CPT1A: variants seen among roughly 807,000 people sequenced by gnomAD.
CPT1A encodes carnitine O-palmitoyltransferase 1, liver isoform.
CPT1A carries 64 observed loss-of-function variants against 100.8 expected under a neutral mutation model. The observed-to-expected ratio is 0.63, with a 90% confidence interval of 0.52 to 0.78. CPT1A has a LOEUF of 0.78. CPT1A is among the 30% of genes least tolerant of loss of function. The probability of loss-of-function intolerance (pLI) is 0.00; values close to 1 mark genes in which losing one functional copy is unlikely to be tolerated. For synonymous variants in CPT1A, 363 were observed against 396.0 expected (o/e 0.92, Z 0.99); for missense variants, 802 against 1,034.1 (o/e 0.78, Z 3.08).
chr11:68,815,230 T>C (rs1457272976), intron 2 of CPT1A, 104 bp downstream of exon 2: 1 of 1,146,220 alleles, frequency 8.7e-7, no homozygotes, highest in African/African-American at 1.5e-5. Context: ...AGGTAAGTGA[T>C]ATGCAGTCGC....
At chr11:68,803,010 G>C (rs760609482) in intron 5 of CPT1A, among the ~76,000 whole-genome samples, 7 of 152,090 alleles carry the variant, frequency 4.6e-5, no homozygotes, top group Non-Finnish European at 1.0e-4. Context: ...TTTGAAGTGC[G>C]GCTGCTGTGT....
intron 5 of CPT1A, 46 bp from the exon 6 acceptor site, chr11:68,799,401 T>C: frequency 6.3e-7 from 1 of 1,598,968 alleles, no homozygotes; most frequent in Non-Finnish European, 8.6e-7. Flanking sequence ...TAAAACATAT[T>C]AATCAAAGCC....
intron 3 of CPT1A, among the ~76,000 whole-genome samples, chr11:68,807,852 G>A (rs1190422336): frequency 4.6e-5 from 7 of 152,240 alleles, no homozygotes; most frequent in Admixed American, 3.9e-4. Context: ...CACGCCGAAA[G>A]TAGCTGGCAG....
At chr11:68,794,664 G>A in intron 8 of CPT1A, 140 bp downstream of exon 8, 1 of 745,678 alleles carries the variant, frequency 1.3e-6, no homozygotes, top group Non-Finnish European at 2.3e-6. Flanking sequence ...GCCTGCTTTG[G>A]CCTCCCAAAG....
chr11:68,778,417 A>G (rs940225458), intron 12 of CPT1A, among the ~76,000 whole-genome samples: 4 of 152,180 alleles, frequency 2.6e-5, no homozygotes, highest in Admixed American at 6.5e-5. Flanking sequence ...TCTTGGGGGA[A>G]AAATAGACAG....
At position 68,792,760 on chromosome 11, in the gene CPT1A, A is replaced by G. The variant is rs528697359; in HGVS notation, c.967+555T>C. Among the ~76,000 whole-genome samples the G allele has an allele frequency of 2.6e-5, 4 of 152,338 alleles. No homozygotes were observed. The South Asian group carries it at 8.3e-4, about 32-fold the overall frequency. ...CCCCTGAGGAATCCAGACTCAGGAA[A>G]AAAACACTCAGCTGTGTGTGACTCA... On this transcript the variant is annotated intron_variant, in intron 9 of 18. Transcript: ENST00000265641.
intron 7 of CPT1A, among the ~76,000 whole-genome samples, chr11:68,795,491 AT>A (rs1855732237): frequency 6.6e-6 from 1 of 152,246 alleles, no homozygotes; most frequent in Non-Finnish European, 1.5e-5. Flanking sequence ...TCACTTCCAA[AT>A]AGAGCAGGAA....
At chr11:68,783,200 A>G (rs1855362545) in intron 10 of CPT1A, among the ~76,000 whole-genome samples, 3 of 151,958 alleles carry the variant, frequency 2.0e-5, no homozygotes, top group African/African-American at 4.8e-5. Context: ...GGGCCACCGA[A>G]AAGCATCCCT....
Position 68,812,486 on chromosome 11 carries a change from C to T in CPT1A, c.232G>A (p.Asp78Asn), listed in dbSNP as rs747227699. 3 of 1,614,068 alleles carry T rather than the reference C, an allele frequency of 1.9e-6. No individual in the cohort carries two copies. Among genetic ancestry groups the T allele is most frequent in the East Asian group, 2.2e-5 (1 of 44,890 alleles). Residue 78 changes from aspartate to asparagine, a missense_variant, in exon 3 of 19, where the codon GAC becomes AAC. Asp to Asn is a conservative substitution (Grantham distance 23, BLOSUM62 1). This residue lies in a region of CPT1A where 161 missense variants were observed against 183.7 expected (regional missense o/e 0.88). Transcript: ENST00000265641. The part of the protein sequence containing the change: ...GVMTTMYAKI[D>N]PSLGIIAKIN... ...TTTGCAATTATTCCTAACGAGGGGT[C>T]GATCTTGGCGTACATCGTTGTCATC...
rs1946700507 is a variant in CPT1A at position 68,756,687 on chromosome 11, G to A, written c.*957C>T. On this transcript the variant is annotated 3_prime_UTR_variant, in exon 19 of 19. Coordinates refer to ENST00000265641, the MANE Select transcript of CPT1A (RefSeq NM_001876.4). ...GAGATCCTCCTGAGGCACGTGTCAT[G>A]TTTTATTCTTGAGTGAATTATCTGA... is the stretch of plus-strand genomic sequence containing the variant. 1.3e-5 allele frequency: 2 copies of A among 152,216 alleles called. No homozygotes were observed. The highest frequency in any genetic ancestry group is 6.5e-5 in the Admixed American group (1 of 15,282). 9.4% of individuals were successfully genotyped at this position (152,216 alleles called of 1,614,324 possible).
At position 68,841,162 on chromosome 11, in the gene CPT1A, G is replaced by A. The variant is rs542826478; in HGVS notation, c.-14+613C>T. 4.6e-5 allele frequency among the ~76,000 whole-genome samples: 7 copies of A among 152,342 alleles called. No individual in the cohort carries two copies. Among genetic ancestry groups the A allele is most frequent in the Middle Eastern group, 3.4e-3 (1 of 294 alleles). Reference sequence around the variant, plus strand: ...TCAGCGGCGCCCTGCCGAATCCCGAGGGCCGAGCACCCCTCCCTCAGCCGC... The same window carrying A: ...TCAGCGGCGCCCTGCCGAATCCCGAAGGCCGAGCACCCCTCCCTCAGCCGC... On this transcript the variant is annotated intron_variant, in intron 1 of 18. Coordinates refer to ENST00000265641, the MANE Select transcript of CPT1A (RefSeq NM_001876.4). This position sits in a 1 kb window ranked among gnomAD's most constrained non-coding sequence, Gnocchi z 6.3.
chr11:68,773,274 C>T lies in CPT1A; in HGVS notation c.1731G>A (p.Ala577=), dbSNP rs140468410. The T allele has an allele frequency of 2.8e-5, 45 of 1,613,944 alleles. No homozygotes were observed. The highest frequency in any genetic ancestry group is 3.5e-5 in the Non-Finnish European group (41 of 1,180,026). ...DAFVQLALQL[A]HYKDMGKFCL... ...GGCGGTCAGTTCTTACCTTGTAGTG[C>T]GCCAGCTGGAGGGCCAGCTGCACAA... The change falls in exon 14 of 19, where the codon GCG becomes GCA. Residue 577 remains alanine, a synonymous_variant. Coordinates refer to ENST00000265641, the MANE Select transcript of CPT1A (RefSeq NM_001876.4).
upstream of CPT1A, among the ~76,000 whole-genome samples, chr11:68,843,729 C>A (rs1168373523): frequency 6.6e-6 from 1 of 152,236 alleles, no homozygotes; most frequent in Admixed American, 6.5e-5. The surrounding 1 kb of genome is among the most constrained non-coding windows in gnomAD (Gnocchi z 4.0). Flanking sequence ...CCCAGGCACT[C>A]GACCCCCGCA....
chr11:68,810,109 C>T (rs1372658389), intron 3 of CPT1A, among the ~76,000 whole-genome samples: 2 of 152,090 alleles, frequency 1.3e-5, no homozygotes, highest in African/African-American at 2.4e-5. Flanking sequence ...ACCTGGGAAG[C>T]GGAGCTTGCA....
chr11:68,809,845 A>G (rs1230485887), intron 3 of CPT1A, among the ~76,000 whole-genome samples: 3 of 152,246 alleles, frequency 2.0e-5, no homozygotes, highest in Non-Finnish European at 4.4e-5. Context: ...ACTTCTATAT[A>G]TAATCCAGTT....
chr11:68,771,518 A>C (rs1299398985), intron 14 of CPT1A, among the ~76,000 whole-genome samples: 2 of 152,104 alleles, frequency 1.3e-5, no homozygotes, highest in Non-Finnish European at 2.9e-5. Context: ...TTTTAATCAC[A>C]TGATCTTTAG....
chr11:68,836,509 A>G (rs987023993), intron 1 of CPT1A, among the ~76,000 whole-genome samples: 5 of 152,114 alleles, frequency 3.3e-5, no homozygotes, highest in African/African-American at 7.2e-5. Context: ...GCAGTGGCTC[A>G]TGCCTGTAAT....
chr11:68,815,699 C>T (rs1856367238), intron 1 of CPT1A, among the ~76,000 whole-genome samples: 2 of 152,194 alleles, frequency 1.3e-5, no homozygotes, highest in African/African-American at 2.4e-5. Context: ...CTGCTTAGAG[C>T]CCCAAGATGA....
intron 1 of CPT1A, among the ~76,000 whole-genome samples, chr11:68,840,118 T>C (rs539517772): frequency 5.3e-5 from 8 of 152,222 alleles, no homozygotes; most frequent in South Asian, 4.1e-4. Flanking sequence ...CACAGGCTCT[T>C]GGTATTGAGG....
Sources: allele counts gnomAD v4.1 joint callset (sites outside exome capture counted in the v4.1 genomes callset), GRCh38; gene constraint gnomAD v4.1.1; regional missense constraint gnomAD v4.1.1; non-coding constraint Gnocchi (gnomAD v3.1); transcripts MANE v1.5; gene names NCBI Gene and HGNC (gene_info 2026-07-23, HGNC 2026-07-21).